TBC1D31: variants seen among roughly 807,000 people sequenced by gnomAD.
TBC1D31 encodes the protein WD repeat domain 67.
A neutral mutation model predicts 132.9 loss-of-function variants in TBC1D31; 99 were observed. The ratio of observed to expected loss-of-function variants is 0.74; its 90% CI spans 0.63 to 0.88. TBC1D31 has a LOEUF of 0.88. TBC1D31 is among the 40% of genes least tolerant of loss of function. The probability of loss-of-function intolerance (pLI) is 0.00; values close to 1 mark genes in which losing one functional copy is unlikely to be tolerated. For missense variants in TBC1D31, 1,134 were observed against 1,256.6 expected, an observed-to-expected ratio of 0.90 and a Z score of 1.48; for synonymous variants, 385 against 419.4, an observed-to-expected ratio of 0.92 and a Z score of 1.00.
intron 1 of TBC1D31, among the ~76,000 whole-genome samples, chr8:123,073,953 A>C (rs1181487839): frequency 1.3e-5 from 2 of 151,934 alleles, no homozygotes; most frequent in Non-Finnish European, 2.9e-5. Context: ...CCCAACGTGC[A>C]GGGATTACAG....
Position 123,084,970 on chromosome 8 carries a change from A to G in TBC1D31, c.519+630A>G, listed in dbSNP as rs1365102182. Among the ~76,000 whole-genome samples the G allele has an allele frequency of 2.0e-5, 3 of 152,020 alleles. No homozygotes were observed. The East Asian group carries it at 5.8e-4, about 29-fold the overall frequency. On this transcript the variant is annotated intron_variant, in intron 4 of 21. Coordinates refer to ENST00000287380, the MANE Select transcript of TBC1D31 (RefSeq NM_145647.4). ...ATGCCCAGCTAATTTTTGTATTTTT[A>G]GTAGAGACAGGGTTTCATCATGTTG...
At chr8:123,113,182 AT>A (rs1244045566) in intron 10 of TBC1D31, among the ~76,000 whole-genome samples, 2 of 152,216 alleles carry the variant, frequency 1.3e-5, no homozygotes, top group Admixed American at 1.3e-4. Context: ...GATTTTATCA[AT>A]AAGTAAAAGT....
intron 10 of TBC1D31, among the ~76,000 whole-genome samples, chr8:123,116,236 T>C (rs1185891422): frequency 2.0e-5 from 3 of 152,188 alleles, no homozygotes; most frequent in Non-Finnish European, 4.4e-5. Flanking sequence ...GCTAGCCATC[T>C]AGAAAAAGTT....
At chr8:123,085,449 G>GTTTT (rs79861915) in intron 4 of TBC1D31, among the ~76,000 whole-genome samples, 13,720 of 152,124 alleles carry the variant, frequency 0.09, 820 homozygotes, top group Non-Finnish European at 0.13. Flanking sequence ...TTGTTTGTTT[G>GTTTT]TTTGAGATGG....
chr8:123,077,997 G>A lies in TBC1D31; in HGVS notation c.224+740G>A, dbSNP rs182763409. On this transcript the variant is annotated intron_variant, in intron 2 of 21. Coordinates refer to ENST00000287380, the MANE Select transcript of TBC1D31 (RefSeq NM_145647.4). ...CAGGAGGTGGAGGTTTCAGTGAGCC[G>A]AGATCGTGCCACTGCCACTGCACTC... Among the ~76,000 whole-genome samples, 1,233 of 151,918 alleles carry A rather than the reference G, an allele frequency of 8.1e-3. 20 individuals carry two copies. Among genetic ancestry groups the A allele is most frequent in the South Asian group, 0.045 (217 of 4,816 alleles).
chr8:123,162,698 A>G, the TBC1D31 span, among the ~76,000 whole-genome samples: 2 of 152,180 alleles, frequency 1.3e-5, no homozygotes, highest in Admixed American at 6.5e-5. Context: ...CTTATTTTCA[A>G]TTGCACGAAT....
rs190309951 is a variant in TBC1D31 at position 123,093,104 on chromosome 8, G to A, written c.520-487G>A. 2.3e-4 allele frequency among the ~76,000 whole-genome samples: 35 copies of A among 151,718 alleles called. 1 individual carries two copies. The East Asian group carries it at 6.0e-3, about 26-fold the overall frequency. ...TGGGATTACAGGTGTGAGTCACTGC[G>A]CCTGGCCTAATTTTTGTATTTTTTC... On this transcript the variant is annotated intron_variant, in intron 4 of 21. Coordinates refer to ENST00000287380, the MANE Select transcript of TBC1D31 (RefSeq NM_145647.4).
intron 7 of TBC1D31, 90 bp downstream of exon 7, chr8:123,101,097 A>G (rs991100048): frequency 5.0e-6 from 5 of 993,844 alleles, no homozygotes; most frequent in African/African-American, 3.3e-5. Context: ...ACTATTTCTA[A>G]CTTACCTGGA....
the TBC1D31 span, among the ~76,000 whole-genome samples, chr8:123,162,725 A>G: frequency 6.6e-6 from 1 of 152,364 alleles, no homozygotes; most frequent in African/African-American, 2.4e-5. Flanking sequence ...TACTAATTAT[A>G]AAATATACGC....
chr8:123,136,543 C>T (rs896435964), intron 17 of TBC1D31, among the ~76,000 whole-genome samples: 3 of 152,104 alleles, frequency 2.0e-5, no homozygotes, highest in Non-Finnish European at 2.9e-5. Flanking sequence ...CTCTGCCTCC[C>T]GGGTTCAAGA....
chr8:123,145,566 A>C (rs1341764020), intron 20 of TBC1D31, among the ~76,000 whole-genome samples: 1 of 152,136 alleles, frequency 6.6e-6, no homozygotes, highest in Non-Finnish European at 1.5e-5. Context: ...ATTATAATTT[A>C]AAACTGTAAA....
At chr8:123,073,078 G>T (rs567795811) in intron 1 of TBC1D31, among the ~76,000 whole-genome samples, 5 of 152,280 alleles carry the variant, frequency 3.3e-5, no homozygotes, top group African/African-American at 1.2e-4. Flanking sequence ...GGAGGAGGCC[G>T]GTGGTTCTCA....
chr8:123,123,503 A>T (rs1306659174), intron 11 of TBC1D31: 1 of 154,284 alleles, frequency 6.5e-6, no homozygotes, highest in Non-Finnish European at 1.5e-5. Context: ...ACGTGGAGCA[A>T]CACCACTGCA....
downstream of TBC1D31, among the ~76,000 whole-genome samples, chr8:123,153,529 C>T (rs192071018): frequency 2.6e-5 from 4 of 152,326 alleles, no homozygotes; most frequent in East Asian, 5.8e-4. Context: ...TCTGAGCCTA[C>T]GTTTCTCCAG....
intron 11 of TBC1D31, among the ~76,000 whole-genome samples, chr8:123,125,588 G>C (rs1484066965): frequency 6.6e-6 from 1 of 152,072 alleles, no homozygotes; most frequent in Non-Finnish European, 1.5e-5. Flanking sequence ...ATACACATTT[G>C]TTTTTATATA....
the TBC1D31 span, among the ~76,000 whole-genome samples, chr8:123,158,223 GT>G: frequency 4.0e-5 from 6 of 151,532 alleles, no homozygotes; most frequent in African/African-American, 1.5e-4. Context: ...ACAGGTAAGG[GT>G]TTTTCCCTAA....
intron 7 of TBC1D31, chr8:123,102,454 A>G (rs1437015550): frequency 1.7e-5 from 6 of 343,004 alleles, no homozygotes; most frequent in Non-Finnish European, 2.9e-5. Flanking sequence ...AAAAATAAGA[A>G]TGTACAGAAT....
chr8:123,103,997 G>A (rs1817689141), intron 7 of TBC1D31: 1 of 151,510 alleles, frequency 6.6e-6, no homozygotes, highest in Non-Finnish European at 1.5e-5. Context: ...TTATTTTCTT[G>A]TCATTGGAGA....
intron 17 of TBC1D31, among the ~76,000 whole-genome samples, chr8:123,135,995 CTTTACCTA>C (rs2130861159): frequency 6.6e-6 from 1 of 152,280 alleles, no homozygotes; most frequent in Non-Finnish European, 1.5e-5. Flanking sequence ...TCCTCTTTTT[CTTTACCTA>C]TGCACATATA....
Sources: gnomAD v4.1 joint callset for allele counts (sites outside exome capture counted in the v4.1 genomes callset) on GRCh38, gnomAD v4.1.1 for gene constraint, MANE v1.5 for transcripts, NCBI Gene and HGNC (gene_info 2026-07-23, HGNC 2026-07-21) for gene names.